TMEM117: variants seen among roughly 807,000 people sequenced by gnomAD.
TMEM117 encodes transmembrane protein 117.
TMEM117 carries 27 observed loss-of-function variants against 52.4 expected under a neutral mutation model. That is an observed-to-expected ratio of 0.51 (90% CI 0.38 to 0.71). The LOEUF is 0.71. Ranked by LOEUF, TMEM117 falls within the 30% of genes least tolerant of loss-of-function variation. The pLI, the probability that TMEM117 is intolerant of heterozygous loss-of-function variation, is 0.00. For missense variants in TMEM117, 556 were observed against 630.5 expected (o/e 0.88, Z 1.26); for synonymous variants, 215 against 206.3 (o/e 1.04, Z -0.36).
chr12:43,939,299 C>T (rs1945006760), intron 2 of TMEM117, among the ~76,000 whole-genome samples: 2 of 152,108 alleles, frequency 1.3e-5, no homozygotes, highest in Admixed American at 6.5e-5. Flanking sequence ...GGTTTTAGAG[C>T]AGAAGACTTA....
chr12:44,206,158 A>ATGT (rs1949563261), intron 4 of TMEM117, among the ~76,000 whole-genome samples: 2 of 152,260 alleles, frequency 1.3e-5, no homozygotes, highest in South Asian at 4.1e-4. Flanking sequence ...ACATGTGCAC[A>ATGT]ACGTTAGATT....
At chr12:44,265,761 C>G (rs1950370463) in intron 5 of TMEM117, among the ~76,000 whole-genome samples, 1 of 152,158 alleles carries the variant, frequency 6.6e-6, no homozygotes, top group Admixed American at 6.6e-5. Context: ...TTCCCATTCT[C>G]CCCTTCCCCA....
At chr12:44,189,801 T>C (rs1481300479) in intron 4 of TMEM117, among the ~76,000 whole-genome samples, 9 of 152,210 alleles carry the variant, frequency 5.9e-5, no homozygotes. Context: ...GTAGTGATTA[T>C]AGAAAAAAAT....
chr12:44,091,982 A>C (rs151332928), intron 3 of TMEM117, among the ~76,000 whole-genome samples: 131 of 152,316 alleles, frequency 8.6e-4, no homozygotes, highest in African/African-American at 2.9e-3. Context: ...GATTAATGAT[A>C]AGCCATATGA....
chr12:44,193,044 AT>A (rs1448407497), intron 4 of TMEM117, among the ~76,000 whole-genome samples: 2 of 152,220 alleles, frequency 1.3e-5, no homozygotes, highest in Non-Finnish European at 2.9e-5. Context: ...TGTAGGGTTT[AT>A]TTGGCTGTGC....
intron 2 of TMEM117, among the ~76,000 whole-genome samples, chr12:43,878,230 C>T (rs1943837219): frequency 1.3e-5 from 2 of 152,050 alleles, no homozygotes; most frequent in African/African-American, 4.8e-5. Flanking sequence ...GGAGGAATTT[C>T]AGGGCTTTAA....
intron 4 of TMEM117, among the ~76,000 whole-genome samples, chr12:44,198,729 G>T (rs534708212): frequency 6.6e-6 from 1 of 152,126 alleles, no homozygotes; most frequent in Admixed American, 6.5e-5. Flanking sequence ...AATTTTTATG[G>T]TGTACTTGGA....
intron 3 of TMEM117, among the ~76,000 whole-genome samples, chr12:44,022,235 C>G (rs929226383): frequency 6.6e-6 from 1 of 152,126 alleles, no homozygotes; most frequent in African/African-American, 2.4e-5. Flanking sequence ...AGCCATTTAG[C>G]CTCTCTGAGC....
intron 2 of TMEM117, among the ~76,000 whole-genome samples, chr12:43,871,199 T>A (rs1364331078): frequency 6.6e-6 from 1 of 151,988 alleles, no homozygotes; most frequent in Non-Finnish European, 1.5e-5. Context: ...GCCTCCTGGG[T>A]TCAAGTGATT....
At chr12:43,999,201 T>C (rs1201544913) in intron 3 of TMEM117, among the ~76,000 whole-genome samples, 1 of 152,244 alleles carries the variant, frequency 6.6e-6, no homozygotes, top group Non-Finnish European at 1.5e-5. Flanking sequence ...GTTATTTTTC[T>C]TGATCTGGAT....
In TMEM117 at chr12:44,237,688, G is replaced by A. The variant is rs116579607; in HGVS notation, c.608+26301G>A. On this transcript the variant is annotated intron_variant, in intron 5 of 7. Coordinates refer to ENST00000266534, the MANE Select transcript of TMEM117 (RefSeq NM_032256.3). ...GCCGAGATCCCACCACCGCACTCCC[G>A]CCTGGGAGACAGAGTGAGACCCTGT... 7.5e-3 allele frequency among the ~76,000 whole-genome samples: 1,136 copies of A among 151,876 alleles called. 16 individuals are homozygous for A. The highest frequency in any genetic ancestry group is 0.025 in the African/African-American group (1,023 of 41,412).
At chr12:44,281,262 T>A (rs1351802313) in intron 5 of TMEM117, among the ~76,000 whole-genome samples, 4 of 152,220 alleles carry the variant, frequency 2.6e-5, no homozygotes, top group Non-Finnish European at 5.9e-5. Flanking sequence ...TTTTATAGTT[T>A]TCTTTCACAA....
At chr12:44,251,690 A>G (rs573320564) in intron 5 of TMEM117, among the ~76,000 whole-genome samples, 65 of 152,360 alleles carry the variant, frequency 4.3e-4, no homozygotes, top group African/African-American at 1.3e-3. Flanking sequence ...TGAATCTACC[A>G]ACAGTCCTAA....
At chr12:44,058,615 A>G (rs534386717) in intron 3 of TMEM117, among the ~76,000 whole-genome samples, 3 of 152,350 alleles carry the variant, frequency 2.0e-5, no homozygotes, top group African/African-American at 7.2e-5. Flanking sequence ...CCATACAGAC[A>G]TACTCATTCT....
At chr12:44,177,324 T>C (rs1401629143) in intron 4 of TMEM117, among the ~76,000 whole-genome samples, 1 of 152,206 alleles carries the variant, frequency 6.6e-6, no homozygotes, top group African/African-American at 2.4e-5. Context: ...ACAAAAAATT[T>C]ACTGTTATAG....
At chr12:44,079,703 A>G (rs1162873479) in intron 3 of TMEM117, among the ~76,000 whole-genome samples, 3 of 152,132 alleles carry the variant, frequency 2.0e-5, no homozygotes, top group Non-Finnish European at 4.4e-5. Context: ...TTATCTCCAG[A>G]GAGGTACTAT....
the TMEM117 span, among the ~76,000 whole-genome samples, chr12:43,818,433 G>GTTTTTTTTTT: frequency 2.1e-5 from 3 of 140,966 alleles, no homozygotes; most frequent in Non-Finnish European, 1.6e-5. Context: ...TTTTTTTTGT[G>GTTTTTTTTTT]TTTTTTTTTT....
intron 6 of TMEM117, among the ~76,000 whole-genome samples, chr12:44,311,867 GTA>G (rs1203609247): frequency 0.023 from 2,589 of 112,312 alleles, 213 homozygotes; most frequent in African/African-American, 0.095. Context: ...GTATATATAT[GTA>G]TATATATGTA....
intron 6 of TMEM117, among the ~76,000 whole-genome samples, chr12:44,367,089 C>A (rs564194448): frequency 6.6e-6 from 1 of 152,128 alleles, no homozygotes; most frequent in African/African-American, 2.4e-5. Context: ...CTCTGTTCTA[C>A]CAAAATTCAA....
Sources: allele counts gnomAD v4.1 joint callset (sites outside exome capture counted in the v4.1 genomes callset), GRCh38; gene constraint gnomAD v4.1.1; transcripts MANE v1.5; gene names NCBI Gene and HGNC (gene_info 2026-07-23, HGNC 2026-07-21).